The following C11orf91 variants were observed in gnomAD, a reference collection of about 807,000 sequenced individuals.
C11orf91 encodes the protein chromosome 11 open reading frame 91, also known as uncharacterized protein C11orf91.
A neutral mutation model predicts 14.3 loss-of-function variants in C11orf91; 10 were observed. That is an observed-to-expected ratio of 0.70 (90% CI 0.43 to 1.18). The LOEUF (loss-of-function observed/expected upper bound fraction) is 1.18. Among genes scored for constraint, C11orf91 ranks in the 50% most tolerant of loss-of-function variants. The pLI is 0.00. For missense variants in C11orf91, 236 were observed against 269.0 expected (o/e 0.88, Z 0.86); for synonymous variants, 141 against 130.6 (o/e 1.08, Z -0.54).
upstream of C11orf91, chr11:33,704,210 ACT>A (rs58634493): frequency 6.6e-6 from 1 of 151,876 alleles, no homozygotes; most frequent in Non-Finnish European, 1.5e-5. Flanking sequence ...TGAATCTGGG[ACT>A]CTCTGTGACC....
Position 33,698,375 on chromosome 11 carries a change from A to T in C11orf91, c.*54T>A. On this transcript the variant is annotated 3_prime_UTR_variant, in exon 2 of 2. Transcript: ENST00000379011. The stretch of plus-strand genomic sequence containing the variant: ...GAAATGACAACAAATGGGACACATT[A>T]TCTAAGCACTAACACCTAAGGAGGT... 2.0e-6 allele frequency: 2 copies of T among 1,002,890 alleles called. No individual in the cohort carries two copies. The highest frequency in any genetic ancestry group is 3.0e-6 in the Non-Finnish European group (2 of 661,214). The allele number at this position is 1,002,890 out of a possible 1,614,324, so 62.1% of individuals were successfully genotyped here. A position where few individuals can be genotyped will look rare whatever the true frequency, so the allele number is the denominator to read the frequency against.
At chr11:33,698,865 C>T (rs565145742) in intron 1 of C11orf91, among the ~76,000 whole-genome samples, 73 of 149,486 alleles carry the variant, frequency 4.9e-4, no homozygotes, top group Admixed American at 4.4e-3. Context: ...ACTGCAACCT[C>T]GGCCTCCTGG....
upstream of C11orf91, chr11:33,705,752 A>C (rs1203308156): frequency 6.6e-6 from 1 of 152,168 alleles, no homozygotes; most frequent in East Asian, 1.9e-4. Flanking sequence ...CCTTTCATAT[A>C]TACATATATC....
At chr11:33,701,340 C>T (rs187809404), upstream of C11orf91, among the ~76,000 whole-genome samples, 6 of 152,326 alleles carry the variant, frequency 3.9e-5, no homozygotes, top group Non-Finnish European at 7.4e-5. Context: ...ATCTGCCAAA[C>T]GTTAGCAGTG....
rs767623754 is a variant in C11orf91, at chr11:33,700,232, C to T, written c.496+13G>A. ...CTAAGGCTGGGCTCGGTGGCCCTGG[C>T]GAGGTCACGCACAGCTCTGGGAGTC... is the stretch of plus-strand genomic sequence containing the variant. On this transcript the variant is annotated intron_variant, in intron 1 of 1. Coordinates refer to ENST00000379011, the MANE Select transcript of C11orf91 (RefSeq NM_001166692.2). 27 of 1,527,704 alleles carry T rather than the reference C, an allele frequency of 1.8e-5. No homozygotes were observed. The South Asian group carries it at 3.2e-4, about 18-fold the overall frequency. The allele number at this position is 1,527,704 out of a possible 1,614,324, so 94.6% of individuals were successfully genotyped here. A position where few individuals can be genotyped will look rare whatever the true frequency, so the allele number is the denominator to read the frequency against.
chr11:33,698,482 A>AC lies in C11orf91; in HGVS notation c.528dup (p.Leu177ValfsTer31), dbSNP rs1270753854. The AC allele has an allele frequency of 2.6e-6, 4 of 1,537,548 alleles. No individual in the cohort carries two copies. ...GGTTGCTTGGTCTTCAGTCCTTGTA[A>AC]CTTTTCGTCTTTTAGCGCCTTCAGG... On this transcript the variant is annotated frameshift_variant, in exon 2 of 2. Transcript: ENST00000379011. LOFTEE classifies it high-confidence loss of function.
At chr11:33,706,276 T>G in the C11orf91 span, 2 of 152,082 alleles carry the variant, frequency 1.3e-5, no homozygotes, top group Non-Finnish European at 2.9e-5. Context: ...AAGCTTTAGT[T>G]TAGATAAATA....
chr11:33,699,824 T>TC (rs1853090205), intron 1 of C11orf91, among the ~76,000 whole-genome samples: 2 of 151,918 alleles, frequency 1.3e-5, no homozygotes, highest in African/African-American at 2.4e-5. Flanking sequence ...TACTTCACCT[T>TC]CCCCCCATGG....
chr11:33,700,103 G>C, intron 1 of C11orf91, 142 bp downstream of exon 1: 1 of 848,578 alleles, frequency 1.2e-6, no homozygotes, highest in Non-Finnish European at 1.8e-6. Flanking sequence ...AAGGGAGTCT[G>C]GGTGCTAGGG....
rs1564962375 is a variant in C11orf91, at chr11:33,700,726, C to T, written c.15G>A (p.Arg5=). ...TCATGGTGGGGCTGTGGCTGCCGCGCCGCCCCTTTGGCATCGTTTGAATGA... is the reference window on the plus strand; with the variant it reads ...TCATGGTGGGGCTGTGGCTGCCGCGTCGCCCCTTTGGCATCGTTTGAATGA... MPKG[R]RGSHSPTMSQ... The change falls in exon 1 of 2, where the codon CGG becomes CGA. Residue 5 remains arginine (R), a synonymous_variant. Transcript: ENST00000379011. 1 of 1,374,894 alleles carries T rather than the reference C, an allele frequency of 7.3e-7. No individual in the cohort carries two copies. The highest frequency in any genetic ancestry group is 9.4e-7 in the Non-Finnish European group (1 of 1,061,018). 85.2% of individuals were successfully genotyped at this position (1,374,894 alleles called of 1,614,324 possible). A position where few individuals can be genotyped will look rare whatever the true frequency, so the allele number is the denominator to read the frequency against.
upstream of C11orf91, chr11:33,703,493 G>A (rs905652044): frequency 6.6e-6 from 1 of 152,174 alleles, no homozygotes; most frequent in African/African-American, 2.4e-5. Context: ...CCATCCTGTT[G>A]GAGCTTCCTA....
rs1273315948 is a variant in C11orf91, at chr11:33,700,365, A to G, written c.376T>C (p.Cys126Arg). 12 of 1,534,730 alleles carry G rather than the reference A, an allele frequency of 7.8e-6. No homozygotes were observed. Among genetic ancestry groups the G allele is most frequent in the Non-Finnish European group, 1.0e-5 (12 of 1,146,458 alleles). The part of the protein sequence containing the change: ...PEVVASPLVP[C>R]PSTPRLASAS... ...GAGGCGAGCCTGGGGGTCGAGGGGC[A>G]GGGGACCAGGGGCGAGGCAACCACC... The change falls in exon 1 of 2, where the codon TGC becomes CGC. Residue 126 changes from cysteine (C) to arginine (R), a missense_variant. Transcript: ENST00000379011.
upstream of C11orf91, among the ~76,000 whole-genome samples, chr11:33,700,992 G>A (rs1194289580): frequency 6.6e-6 from 1 of 152,064 alleles, no homozygotes. Context: ...GCCTCGCCTC[G>A]CCTCCCGTCC....
At chr11:33,702,081 G>C (rs1424739497), upstream of C11orf91, among the ~76,000 whole-genome samples, 1 of 152,020 alleles carries the variant, frequency 6.6e-6, no homozygotes, top group Non-Finnish European at 1.5e-5. Context: ...GACTTTGGCA[G>C]CCACCCATCA....
Position 33,700,463 on chromosome 11 carries a change from G to A in C11orf91, c.278C>T (p.Pro93Leu). Residue 93 changes from proline (P) to leucine (L), a missense_variant, in exon 1 of 2, where the codon CCC becomes CTC. Pro to Leu is a moderately conservative substitution (Grantham distance 98). Transcript: ENST00000379011. ...GATGGAGGCCAGGCCGGAGGGCCAGGGCGAGGGCCAGGGGCGCTCGCTGGA... is the reference window on the plus strand; with the variant it reads ...GATGGAGGCCAGGCCGGAGGGCCAGAGCGAGGGCCAGGGGCGCTCGCTGGA... ...GPSSERPWPS[P>L]WPSGLASIPY... is the part of the protein sequence containing the mutation. 1 of 1,466,384 alleles carries A rather than the reference G, an allele frequency of 6.8e-7. No individual in the cohort carries two copies. Among genetic ancestry groups the A allele is most frequent in the Non-Finnish European group, 9.0e-7 (1 of 1,114,524 alleles). 90.8% of individuals were successfully genotyped at this position (1,466,384 alleles called of 1,614,324 possible).
chr11:33,700,742 G>C lies in C11orf91; in HGVS notation c.-2C>G, dbSNP rs1166393058. On this transcript the variant is annotated 5_prime_UTR_variant, in exon 1 of 2. Transcript: ENST00000379011. ...GCTGCCGCGCCGCCCCTTTGGCATC[G>C]TTTGAATGAGGGTCTGCGTGGGAGG... 4.0e-5 allele frequency: 54 copies of C among 1,356,272 alleles called. No individual in the cohort carries two copies. In the Middle Eastern group the frequency reaches 7.8e-4, roughly 20 times the overall value. 84.0% of individuals were successfully genotyped at this position (1,356,272 alleles called of 1,614,324 possible).
chr11:33,703,192 G>A (rs1177290372), upstream of C11orf91: 2 of 152,152 alleles, frequency 1.3e-5, no homozygotes, highest in African/African-American at 4.8e-5. Context: ...TAGCCAGGGG[G>A]TTAAATAAGA....
upstream of C11orf91, among the ~76,000 whole-genome samples, chr11:33,701,691 GAGTC>G (rs887392525): frequency 1.3e-4 from 20 of 152,086 alleles, no homozygotes; most frequent in South Asian, 4.2e-4. Flanking sequence ...GGCAGTTAAA[GAGTC>G]AGTATCAGCT....
At chr11:33,705,932 C>T in the C11orf91 span, 2 of 152,040 alleles carry the variant, frequency 1.3e-5, no homozygotes, top group African/African-American at 4.8e-5. Context: ...AGAGTCAGCA[C>T]CAGCACTGAT....
Sources: allele counts gnomAD v4.1 joint callset (sites outside exome capture counted in the v4.1 genomes callset), GRCh38; gene constraint gnomAD v4.1.1; transcripts MANE v1.5; gene names NCBI Gene and HGNC (gene_info 2026-07-23, HGNC 2026-07-21).